The following SLC66A1 variants were observed in gnomAD, a reference collection of about 807,000 sequenced individuals.
The protein encoded by SLC66A1 is lysosomal amino acid transporter 1 homolog.
SLC66A1 carries 23 observed loss-of-function variants against 33.0 expected under a neutral mutation model. The ratio of observed to expected loss-of-function variants is 0.70; its 90% confidence interval spans 0.50 to 0.99. The LOEUF (loss-of-function observed/expected upper bound fraction) is 0.99. SLC66A1 is among the 50% of genes least tolerant of loss of function. The pLI is 0.00. For synonymous variants in SLC66A1, 164 were observed against 175.5 expected (o/e 0.93, Z 0.52); for missense variants, 335 against 383.6 (o/e 0.87, Z 1.06).
chr1:19,323,700 G>A (rs1185431456), intron 2 of SLC66A1, among the ~76,000 whole-genome samples: 2 of 152,150 alleles, frequency 1.3e-5, no homozygotes, highest in Admixed American at 6.5e-5. Flanking sequence ...AGCCAACCGT[G>A]TCTGGCCACC....
In SLC66A1 at chr1:19,328,437, A is replaced by G. The variant is rs2093880934; in HGVS notation, c.805-135A>G. On this transcript the variant is annotated intron_variant, in intron 7 of 7. Transcript: ENST00000375153. This position sits in a 1 kb window ranked among gnomAD's most constrained non-coding sequence, Gnocchi z 4.7. Reference sequence around the variant, plus strand: ...CAGCTAAGGTAGCGGCTGGGAGGTTATGGCTGGCCCTTCCCACCTGCAGCG... The same window carrying G: ...CAGCTAAGGTAGCGGCTGGGAGGTTGTGGCTGGCCCTTCCCACCTGCAGCG... 1 of 779,832 alleles carries G rather than the reference A, an allele frequency of 1.3e-6. No individual in the cohort carries two copies. The highest frequency in any genetic ancestry group is 2.1e-5 in the Admixed American group (1 of 48,696). The allele number at this position is 779,832 out of a possible 1,614,324, so 48.3% of individuals were successfully genotyped here. A position where few individuals can be genotyped will look rare whatever the true frequency, so the allele number is the denominator to read the frequency against.
rs556159780 is a variant in SLC66A1 at position 19,328,399 on chromosome 1, T to A, written c.805-173T>A. Among the ~76,000 whole-genome samples, 1 of 151,944 alleles carries A rather than the reference T, an allele frequency of 6.6e-6. No individual in the cohort carries two copies. Among genetic ancestry groups the A allele is most frequent in the Admixed American group, 6.5e-5 (1 of 15,270 alleles). ...GGCTTGAGGAGCCGGGCAGAAGTTC[T>A]GAGTGGAGGGCACAGCTAAGGTAGC... is the stretch of plus-strand genomic sequence containing the variant. On this transcript the variant is annotated intron_variant, in intron 7 of 7. Coordinates refer to ENST00000375153, the MANE Select transcript of SLC66A1 (RefSeq NM_001040125.2). The surrounding 1 kb of genome is among the most constrained non-coding windows in gnomAD (Gnocchi z 4.7).
At chr1:19,314,424 G>A (rs770498475) in intron 1 of SLC66A1, among the ~76,000 whole-genome samples, 7 of 152,116 alleles carry the variant, frequency 4.6e-5, no homozygotes, top group African/African-American at 1.2e-4. Flanking sequence ...TACCTTCCTC[G>A]AGACAACCCC....
In SLC66A1 at chr1:19,314,852, C is replaced by A. The variant is rs181856508; in HGVS notation, c.-79+1963C>A. ...GAACATGAGGACTTGATTTGAAATG[C>A]CTTTGGCCTTGCAAACGTGTAGTTC... On this transcript the variant is annotated intron_variant, in intron 1 of 7. Coordinates refer to ENST00000375153, the MANE Select transcript of SLC66A1 (RefSeq NM_001040125.2). Among the ~76,000 whole-genome samples, 212 of 152,152 alleles carry A rather than the reference C, an allele frequency of 1.4e-3. 1 individual carries two copies. Among genetic ancestry groups the A allele is most frequent in the Admixed American group, 3.8e-3 (58 of 15,274 alleles).
chr1:19,325,738 A>G (rs1451040307), intron 4 of SLC66A1, among the ~76,000 whole-genome samples, 156 bp downstream of exon 4: 1 of 152,178 alleles, frequency 6.6e-6, no homozygotes, highest in East Asian at 1.9e-4. Context: ...TAAGAGCCTG[A>G]GCCTTAACTG....
intron 4 of SLC66A1, 52 bp downstream of exon 4, chr1:19,325,634 G>A: frequency 1.8e-6 from 1 of 561,430 alleles, no homozygotes; most frequent in Non-Finnish European, 2.8e-6. Context: ...GCAGGGGGCA[G>A]TTGTGGGGGG....
intron 1 of SLC66A1, among the ~76,000 whole-genome samples, chr1:19,313,807 T>C (rs1051839341): frequency 6.6e-6 from 1 of 152,176 alleles, no homozygotes; most frequent in African/African-American, 2.4e-5. Flanking sequence ...GGACACATGA[T>C]TGGCTGTGAT....
rs779631656 is a variant in SLC66A1, at chr1:19,326,325, G to A, written c.463G>A (p.Val155Met). 41 of 1,606,696 alleles carry A rather than the reference G, an allele frequency of 2.6e-5. No individual in the cohort carries two copies. Among genetic ancestry groups the A allele is most frequent in the South Asian group, 4.4e-5 (4 of 91,030 alleles). ...ATPLLSAAGP[V>M]AAPREAFRGR... The stretch of plus-strand genomic sequence containing the variant: ...ACCGCTGCTGAGTGCTGCTGGGCCC[G>A]TGGCTGCCCCTAGGGAAGCCTTCCG... Residue 155 changes from valine (V) to methionine (M), a missense_variant, in exon 5 of 8, where the codon GTG becomes ATG. Transcript: ENST00000375153.
chr1:19,313,974 A>G lies in SLC66A1; in HGVS notation c.-79+1085A>G, dbSNP rs1050783754. ...ACCCAGAATCTCTAAGCCCCAGCCC[A>G]GGTGCACTGACTCCAAATTTTGAAC... On this transcript the variant is annotated intron_variant, in intron 1 of 7. Transcript: ENST00000375153. Among the ~76,000 whole-genome samples the G allele has an allele frequency of 5.9e-5, 9 of 152,232 alleles. No homozygotes were observed. In the East Asian group the frequency reaches 7.7e-4, roughly 13 times the overall value.
chr1:19,314,551 A>G (rs564111450), intron 1 of SLC66A1, among the ~76,000 whole-genome samples: 1 of 152,344 alleles, frequency 6.6e-6, no homozygotes, highest in Non-Finnish European at 1.5e-5. Flanking sequence ...TCCTGAAAAC[A>G]GTCGCTGCCA....
chr1:19,333,605 G>T (rs1327828596), downstream of SLC66A1, among the ~76,000 whole-genome samples: 1 of 152,188 alleles, frequency 6.6e-6, no homozygotes. This position sits in a 1 kb window ranked among gnomAD's most constrained non-coding sequence, Gnocchi z 4.2. Context: ...CCCCAGAGGT[G>T]CCGGGTGACA....
chr1:19,330,276 G>T (rs918769610), downstream of SLC66A1, among the ~76,000 whole-genome samples: 10 of 152,160 alleles, frequency 6.6e-5, no homozygotes, highest in African/African-American at 2.4e-4. Flanking sequence ...AGGGACTTGG[G>T]GTATCTGGTG....
At chr1:19,317,414 T>G (rs563061973) in intron 1 of SLC66A1, among the ~76,000 whole-genome samples, 186 bp from the exon 2 acceptor site, 1 of 152,318 alleles carries the variant, frequency 6.6e-6, no homozygotes, top group East Asian at 1.9e-4. Flanking sequence ...GTAGTTGGCG[T>G]GTGTTTGCTG....
Position 19,319,605 on chromosome 1 carries a change from G to GTTTTTTTTTTGTTTTTTTTTTTGTTT in SLC66A1, c.164+1774_164+1775insGTTTTTTTTTTTGTTTTTTTTTTTTT, listed in dbSNP as rs56769657. Among the ~76,000 whole-genome samples, 973 of 111,748 alleles carry GTTTTTTTTTTGTTTTTTTTTTTGTTT rather than the reference G, an allele frequency of 8.7e-3. 66 individuals carry two copies. Among genetic ancestry groups the GTTTTTTTTTTGTTTTTTTTTTTGTTT allele is most frequent in the African/African-American group, 0.036 (889 of 24,740 alleles). 73.3% of individuals were successfully genotyped at this position (111,748 alleles called of 152,430 possible). ...GATTAATGTTGCTGTGCACATTCAT[G>GTTTTTTTTTTGTTTTTTTTTTTGTTT]TTTTTTTTTTTTTTTTGCCTGGTGC... is the stretch of plus-strand genomic sequence containing the variant. On this transcript the variant is annotated intron_variant, in intron 2 of 7. Coordinates refer to ENST00000375153, the MANE Select transcript of SLC66A1 (RefSeq NM_001040125.2).
In SLC66A1 at chr1:19,327,370, C is replaced by T. The variant is rs2093873730; in HGVS notation, c.762C>T (p.Pro254=). 2 of 1,606,348 alleles carry T rather than the reference C, an allele frequency of 1.2e-6. No individual in the cohort carries two copies. Among genetic ancestry groups the T allele is most frequent in the African/African-American group, 1.3e-5 (1 of 74,828 alleles). ...GCAGCTACCTGCTGCACCACCTGCC[C>T]TGGCTTGTGGGCAGCCTGGGCGTGC... is the stretch of plus-strand genomic sequence containing the variant. ...SEGSYLLHHL[P]WLVGSLGVLL... Residue 254 remains proline, a synonymous_variant, in exon 7 of 8, where the codon CCC becomes CCT. Transcript: ENST00000375153.
At chr1:19,319,653 A>G (rs2093824412) in intron 2 of SLC66A1, among the ~76,000 whole-genome samples, 1 of 131,912 alleles carries the variant, frequency 7.6e-6, no homozygotes, top group Admixed American at 8.2e-5. Context: ...CTGTAATGCT[A>G]GCACTTTGGG....
chr1:19,318,418 C>A (rs959306378), intron 2 of SLC66A1, among the ~76,000 whole-genome samples: 5 of 152,180 alleles, frequency 3.3e-5, no homozygotes, highest in Non-Finnish European at 7.3e-5. Flanking sequence ...CGTGTCACCT[C>A]ACTGCTCTGA....
chr1:19,328,679 C>G lies in SLC66A1; in HGVS notation c.*36C>G, dbSNP rs1337209330. On this transcript the variant is annotated 3_prime_UTR_variant, in exon 8 of 8. Coordinates refer to ENST00000375153, the MANE Select transcript of SLC66A1 (RefSeq NM_001040125.2). The surrounding 1 kb of genome is among the most constrained non-coding windows in gnomAD (Gnocchi z 4.7). Reference sequence around the variant, plus strand: ...GCTGAGCGCAGGAGGACAGGCACCACCGGATGCCACACCAGGCAGGAGGAG... The same window carrying G: ...GCTGAGCGCAGGAGGACAGGCACCAGCGGATGCCACACCAGGCAGGAGGAG... 3 of 1,600,584 alleles carry G rather than the reference C, an allele frequency of 1.9e-6. No homozygotes were observed. Among genetic ancestry groups the G allele is most frequent in the Non-Finnish European group, 2.6e-6 (3 of 1,169,660 alleles).
chr1:19,317,842 G>A lies in SLC66A1; in HGVS notation c.164+1G>A. 6.2e-7 allele frequency: 1 copy of A among 1,613,010 alleles called. No individual in the cohort carries two copies. The highest frequency in any genetic ancestry group is 8.5e-7 in the Non-Finnish European group (1 of 1,179,284). On this transcript the variant is annotated splice_donor_variant, in intron 2 of 7. Transcript: ENST00000375153. LOFTEE classifies it high-confidence loss of function. ...TCTGCTTTGCTGCATCTACCTTCCC[G>A]TGAGTAGTGTCTTGGTGGCAGGACC...
Sources: allele counts gnomAD v4.1 joint callset (sites outside exome capture counted in the v4.1 genomes callset), GRCh38; gene constraint gnomAD v4.1.1; non-coding constraint Gnocchi (gnomAD v3.1); transcripts MANE v1.5; gene names NCBI Gene and HGNC (gene_info 2026-07-23, HGNC 2026-07-21).